CACNA2D3: variants seen among roughly 807,000 people sequenced by gnomAD.
CACNA2D3 encodes the protein calcium voltage-gated channel auxiliary subunit alpha2delta 3.
In CACNA2D3, 60 loss-of-function variants were observed where a neutral mutation model predicts 160.6. The ratio of observed to expected loss-of-function variants is 0.37; its 90% CI spans 0.30 to 0.46. The LOEUF is 0.46. CACNA2D3 is among the 20% of genes least tolerant of loss of function. The probability of loss-of-function intolerance (pLI) is 1.00; values close to 1 mark genes in which losing one functional copy is unlikely to be tolerated. For synonymous variants in CACNA2D3, 558 were observed against 492.9 expected, an observed-to-expected ratio of 1.13 and a Z score of -1.75; for missense variants, 1,205 against 1,365.0, an observed-to-expected ratio of 0.88 and a Z score of 1.85.
chr3:55,003,575 G>C (rs558984148), intron 31 of CACNA2D3, among the ~76,000 whole-genome samples: 1 of 152,132 alleles, frequency 6.6e-6, no homozygotes, highest in African/African-American at 2.4e-5. Flanking sequence ...TTAAATGCCC[G>C]TCTTCGTAGG....
chr3:54,299,949 T>C (rs1399268778), intron 2 of CACNA2D3, among the ~76,000 whole-genome samples: 3 of 152,220 alleles, frequency 2.0e-5, no homozygotes, highest in African/African-American at 7.2e-5. Context: ...TGGGATGGTG[T>C]AGACCCCCTA....
chr3:55,053,360 T>G (rs1256481665), intron 35 of CACNA2D3, among the ~76,000 whole-genome samples: 2 of 152,172 alleles, frequency 1.3e-5, no homozygotes, highest in East Asian at 3.9e-4. Flanking sequence ...GGATTTTGAT[T>G]GATTTGCCTT....
chr3:54,971,533 G>C (rs957587890), intron 29 of CACNA2D3, among the ~76,000 whole-genome samples: 1 of 152,162 alleles, frequency 6.6e-6, no homozygotes. Flanking sequence ...TGAATAGTTG[G>C]TTGGCTCATT....
chr3:54,413,637 C>T (rs1390472822), intron 4 of CACNA2D3, among the ~76,000 whole-genome samples: 1 of 151,192 alleles, frequency 6.6e-6, no homozygotes, highest in East Asian at 1.9e-4. Flanking sequence ...TGTAATTTAT[C>T]TACAAGTTTA....
chr3:54,804,902 C>T (rs906386347), intron 13 of CACNA2D3, among the ~76,000 whole-genome samples: 2 of 152,202 alleles, frequency 1.3e-5, no homozygotes, highest in Non-Finnish European at 2.9e-5. Flanking sequence ...GAAACTCACT[C>T]AAAATGGCTC....
intron 4 of CACNA2D3, among the ~76,000 whole-genome samples, chr3:54,393,756 G>A (rs1405919152): frequency 1.3e-5 from 2 of 152,192 alleles, no homozygotes; most frequent in Non-Finnish European, 2.9e-5. Flanking sequence ...CTGATCTGAC[G>A]TGGTATCCCA....
chr3:54,534,454 A>C lies in CACNA2D3; in HGVS notation c.545-28346A>C, dbSNP rs1258988408. Reference sequence around the variant, plus strand: ...CCCTGCTCACTCGGAGCTGTTCTTCACCATGTGAAGCTCATCAGCACATGG... The same window carrying C: ...CCCTGCTCACTCGGAGCTGTTCTTCCCCATGTGAAGCTCATCAGCACATGG... On this transcript the variant is annotated intron_variant, in intron 5 of 37. Transcript: ENST00000474759. Among the ~76,000 whole-genome samples the C allele has an allele frequency of 3.9e-5, 6 of 151,902 alleles. No individual in the cohort carries two copies. In the South Asian group the frequency reaches 1.2e-3, roughly 32 times the overall value.
chr3:54,348,171 A>G (rs559366106), intron 3 of CACNA2D3, among the ~76,000 whole-genome samples: 2 of 152,314 alleles, frequency 1.3e-5, no homozygotes, highest in Admixed American at 1.3e-4. Flanking sequence ...TCCTGACAGT[A>G]ATCCAGTTTT....
chr3:54,792,138 G>A (rs1702770264), intron 13 of CACNA2D3, among the ~76,000 whole-genome samples: 1 of 152,216 alleles, frequency 6.6e-6, no homozygotes, highest in Non-Finnish European at 1.5e-5. Context: ...TGACACCTGA[G>A]TGTTTTCCCA....
intron 32 of CACNA2D3, among the ~76,000 whole-genome samples, chr3:55,007,364 T>C (rs768579998): frequency 5.9e-5 from 9 of 152,216 alleles, no homozygotes; most frequent in Non-Finnish European, 1.3e-4. Context: ...TTTTAGTGAA[T>C]GACATACAGT....
chr3:54,998,749 TTTTGTTTTG>T (rs1242585078), intron 31 of CACNA2D3, among the ~76,000 whole-genome samples: 1 of 151,720 alleles, frequency 6.6e-6, no homozygotes, highest in African/African-American at 2.4e-5. Context: ...TTTTGTTTTG[TTTTGTTTTG>T]TTTTTTGAGA....
At chr3:54,242,383 C>T (rs1180060518) in intron 2 of CACNA2D3, among the ~76,000 whole-genome samples, 7 of 152,102 alleles carry the variant, frequency 4.6e-5, no homozygotes, top group East Asian at 1.9e-4. Context: ...GCAGAGGTTG[C>T]GGCGAGCTGA....
intron 27 of CACNA2D3, among the ~76,000 whole-genome samples, chr3:54,902,093 G>A (rs1470484934): frequency 2.0e-5 from 3 of 152,226 alleles, no homozygotes; most frequent in African/African-American, 7.2e-5. Context: ...CCCAACAGCA[G>A]ATGGGAGACA....
chr3:54,492,011 G>C (rs1447888644), intron 4 of CACNA2D3, among the ~76,000 whole-genome samples: 2 of 152,142 alleles, frequency 1.3e-5, no homozygotes, highest in South Asian at 4.1e-4. Flanking sequence ...TAGCCTTTTT[G>C]CTGTCTAGGA....
At chr3:54,721,762 CAAA>C (rs34393649) in intron 11 of CACNA2D3, among the ~76,000 whole-genome samples, 3 of 106,290 alleles carry the variant, frequency 2.8e-5, no homozygotes, top group Admixed American at 1.0e-4. Flanking sequence ...AACTCCATCT[CAAA>C]AAAAAAAAAA....
intron 2 of CACNA2D3, among the ~76,000 whole-genome samples, chr3:54,183,262 G>C (rs756484656): frequency 1.2e-4 from 18 of 147,732 alleles, no homozygotes; most frequent in Non-Finnish European, 1.0e-4. Context: ...GAAATGCAGA[G>C]AGACTTCAAA....
In CACNA2D3 at chr3:54,367,623, C is replaced by T. The variant is rs1868506; in HGVS notation, c.322-19092C>T. 6 of 341,166 alleles carry T rather than the reference C, an allele frequency of 1.8e-5. No homozygotes were observed. The East Asian group carries it at 3.4e-4, about 19-fold the overall frequency. The allele number at this position is 341,166 out of a possible 1,614,324, so 21.1% of individuals were successfully genotyped here. Reference sequence around the variant, plus strand: ...AAGCACAGCCTTACAGGGGCTTGAACGACCCCTGGCCACAAGCTCTGCCCA... The same window carrying T: ...AAGCACAGCCTTACAGGGGCTTGAATGACCCCTGGCCACAAGCTCTGCCCA... On this transcript the variant is annotated intron_variant, in intron 3 of 37. Coordinates refer to ENST00000474759, the MANE Select transcript of CACNA2D3 (RefSeq NM_018398.3).
intron 5 of CACNA2D3, among the ~76,000 whole-genome samples, chr3:54,543,264 G>A (rs1282146483): frequency 6.6e-6 from 1 of 152,194 alleles, no homozygotes; most frequent in Non-Finnish European, 1.5e-5. Context: ...GTGGCGTTAG[G>A]TTGTAATAAT....
At chr3:54,147,508 G>C (rs1700053825) in intron 2 of CACNA2D3, among the ~76,000 whole-genome samples, 1 of 152,102 alleles carries the variant, frequency 6.6e-6, no homozygotes, top group Non-Finnish European at 1.5e-5. Context: ...ATTGTCAGTG[G>C]TATCCCATGG....
Sources: allele counts gnomAD v4.1 joint callset (sites outside exome capture counted in the v4.1 genomes callset), GRCh38; gene constraint gnomAD v4.1.1; transcripts MANE v1.5; gene names NCBI Gene and HGNC (gene_info 2026-07-23, HGNC 2026-07-21).